The following TMEM150C variants were observed in gnomAD, a reference collection of about 807,000 sequenced individuals.
The protein encoded by TMEM150C is tentonin 3.
In TMEM150C, 10 loss-of-function variants were observed where a neutral mutation model predicts 29.9. That is an observed-to-expected ratio of 0.33 (90% CI 0.21 to 0.57). The LOEUF is 0.57. Among genes scored for constraint, TMEM150C ranks in the 20% least tolerant of loss-of-function variants. TMEM150C has a pLI of 0.88. For missense variants in TMEM150C, 251 were observed against 303.6 expected (o/e 0.83, Z 1.29); for synonymous variants, 101 against 112.5 (o/e 0.90, Z 0.64).
At chr4:82,542,640 A>G (rs774254375) in intron 1 of TMEM150C, among the ~76,000 whole-genome samples, 3 of 152,134 alleles carry the variant, frequency 2.0e-5, no homozygotes, top group African/African-American at 7.2e-5. Context: ...TTGTCTTAAA[A>G]ATTTGTAATG....
At chr4:82,494,803 T>TTTTTTA in intron 6 of TMEM150C, 1 of 302,812 alleles carries the variant, frequency 3.3e-6, no homozygotes. Flanking sequence ...TTTTTTTTTT[T>TTTTTTA]GTGAGTCTGA....
intron 7 of TMEM150C, 42 bp from the exon 8 acceptor site, chr4:82,485,761 T>C (rs775811220): frequency 1.3e-6 from 2 of 1,533,072 alleles, no homozygotes; most frequent in East Asian, 2.4e-5. Flanking sequence ...ATCAGCCACA[T>C]TAAAACTGGA....
rs901506766 is a variant in TMEM150C, at chr4:82,561,769, C to A, written c.-11+137G>T. 7 of 605,994 alleles carry A rather than the reference C, an allele frequency of 1.2e-5. No individual in the cohort carries two copies. In the African/African-American group the frequency reaches 1.2e-4, roughly 10 times the overall value. 37.5% of individuals were successfully genotyped at this position (605,994 alleles called of 1,614,324 possible). A position where few individuals can be genotyped will look rare whatever the true frequency, so the allele number is the denominator to read the frequency against. On this transcript the variant is annotated intron_variant, in intron 1 of 7. Transcript: ENST00000449862. ...CCGCAGCCGAGCAGGGCCCCGCAGC[C>A]GGGCGGACCCAGCCGCCCCAGCCGC...
At position 82,504,626 on chromosome 4, in the gene TMEM150C, A is replaced by T. The variant is rs1421213961; in HGVS notation, c.32T>A (p.Phe11Tyr). The T allele has an allele frequency of 6.2e-7, 1 of 1,613,832 alleles. No homozygotes were observed. The highest frequency in any genetic ancestry group is 1.7e-5 in the Admixed American group (1 of 60,008). The change falls in exon 2 of 8, where the codon TTC becomes TAC. Residue 11 changes from phenylalanine to tyrosine, a missense_variant. Physicochemically the swap from Phe to Tyr is conservative, Grantham distance 22 (BLOSUM62 3). Coordinates refer to ENST00000449862, the MANE Select transcript of TMEM150C (RefSeq NM_001080506.3). The stretch of plus-strand genomic sequence containing the variant: ...AAACAAAGTAAATACAAGAGGTAGG[A>T]ACATCCATACGCTGCATTTCTTCCC... The part of the protein sequence containing the change: MDGKKCSVWM[F>Y]LPLVFTLFTS...
intron 6 of TMEM150C, chr4:82,495,584 C>A (rs969510581): frequency 2.6e-5 from 9 of 351,790 alleles, no homozygotes; most frequent in African/African-American, 4.4e-5. Flanking sequence ...ATCCACAGTG[C>A]AACCACGAAC....
intron 1 of TMEM150C, among the ~76,000 whole-genome samples, chr4:82,532,283 T>C (rs1172884284): frequency 1.3e-5 from 2 of 152,206 alleles, no homozygotes; most frequent in Non-Finnish European, 1.5e-5. Flanking sequence ...GTCAAATATG[T>C]AGGAAGATGC....
chr4:82,559,812 G>C (rs11934053), intron 1 of TMEM150C, among the ~76,000 whole-genome samples: 19,461 of 152,120 alleles, frequency 0.13, 1,631 homozygotes, highest in African/African-American at 0.23. Flanking sequence ...TTGCTTAATT[G>C]GTTACTGAAC....
At chr4:82,507,353 T>G (rs1403280957) in intron 1 of TMEM150C, among the ~76,000 whole-genome samples, 1 of 152,198 alleles carries the variant, frequency 6.6e-6, no homozygotes, top group African/African-American at 2.4e-5. Context: ...ATCGAAATTT[T>G]CAAGCAGGGA....
Position 82,561,939 on chromosome 4 carries a change from A to T in TMEM150C, c.-44T>A, listed in dbSNP as rs1329280049. On this transcript the variant is annotated 5_prime_UTR_variant, in exon 1 of 8. Coordinates refer to ENST00000449862, the MANE Select transcript of TMEM150C (RefSeq NM_001080506.3). ...GTGCGGCGGGGCCGCTGTCGCCTCGAGGGGCTGTGACCTGCTGCGGTGGCG... is the reference window on the plus strand; with the variant it reads ...GTGCGGCGGGGCCGCTGTCGCCTCGTGGGGCTGTGACCTGCTGCGGTGGCG... 6.7e-6 allele frequency: 7 copies of T among 1,048,620 alleles called. No homozygotes were observed. The highest frequency in any genetic ancestry group is 2.7e-5 in the South Asian group (1 of 37,288). The allele number at this position is 1,048,620 out of a possible 1,614,324, so 65.0% of individuals were successfully genotyped here.
At chr4:82,486,647 T>C (rs2110060238) in intron 7 of TMEM150C, among the ~76,000 whole-genome samples, 1 of 151,910 alleles carries the variant, frequency 6.6e-6, no homozygotes, top group Admixed American at 6.6e-5. Context: ...TGCTTTGGAA[T>C]GCTGAGGTGG....
At chr4:82,540,918 T>C (rs367981310) in intron 1 of TMEM150C, among the ~76,000 whole-genome samples, 1 of 152,212 alleles carries the variant, frequency 6.6e-6, no homozygotes, top group South Asian at 2.1e-4. Context: ...GTACAATAGA[T>C]CTTGTGAACT....
intron 1 of TMEM150C, among the ~76,000 whole-genome samples, chr4:82,540,558 C>T (rs985535705): frequency 1.1e-4 from 17 of 151,932 alleles, no homozygotes; most frequent in Non-Finnish European, 1.6e-4. Flanking sequence ...TTTATCCTGG[C>T]TAAGTTCTTC....
chr4:82,511,335 C>T (rs961928914), intron 1 of TMEM150C, among the ~76,000 whole-genome samples: 2 of 152,144 alleles, frequency 1.3e-5, no homozygotes, highest in Admixed American at 1.3e-4. Context: ...TAGTTTTTCT[C>T]CAATGCTGTC....
At chr4:82,520,350 C>G (rs1724443468) in intron 1 of TMEM150C, among the ~76,000 whole-genome samples, 1 of 152,158 alleles carries the variant, frequency 6.6e-6, no homozygotes, top group South Asian at 2.1e-4. Context: ...CAGTGTCCTC[C>G]CAGTCTTGCT....
intron 5 of TMEM150C, among the ~76,000 whole-genome samples, chr4:82,502,255 T>C (rs1161327720): frequency 1.3e-5 from 2 of 152,202 alleles, no homozygotes; most frequent in Non-Finnish European, 2.9e-5. Context: ...ACTATGTCTA[T>C]AGGCACAGGA....
At chr4:82,549,569 G>A (rs567193266) in intron 1 of TMEM150C, among the ~76,000 whole-genome samples, 109 of 152,220 alleles carry the variant, frequency 7.2e-4, no homozygotes, top group Non-Finnish European at 1.3e-3. Flanking sequence ...TTGGGACTAC[G>A]GAACTGTACA....
intron 1 of TMEM150C, among the ~76,000 whole-genome samples, chr4:82,539,742 G>A (rs375783302): frequency 1.5e-4 from 23 of 152,256 alleles, no homozygotes; most frequent in Admixed American, 2.6e-4. Context: ...GTGAGCCACC[G>A]TGCCTGGCCA....
At chr4:82,492,792 CA>C (rs1192509650) in intron 6 of TMEM150C, among the ~76,000 whole-genome samples, 390 of 51,846 alleles carry the variant, frequency 7.5e-3, no homozygotes, top group South Asian at 0.015. Flanking sequence ...TCCACTTCTC[CA>C]AAAAAAAAAA....
In TMEM150C at chr4:82,504,214, T is replaced by G. The variant is rs72913673; in HGVS notation, c.80+364A>C. The stretch of plus-strand genomic sequence containing the variant: ...TAAAGATATGCCATCTACTATTTTT[T>G]GGGGGGGTGGGGACAGTCTTGCTCT... On this transcript the variant is annotated intron_variant, in intron 2 of 7. Coordinates refer to ENST00000449862, the MANE Select transcript of TMEM150C (RefSeq NM_001080506.3). Among the ~76,000 whole-genome samples the G allele has an allele frequency of 2.6e-3, 401 of 151,866 alleles. 1 individual carries two copies. The highest frequency in any genetic ancestry group is 8.1e-3 in the African/African-American group (335 of 41,458).
Sources: gnomAD v4.1 joint callset for allele counts (sites outside exome capture counted in the v4.1 genomes callset) on GRCh38, gnomAD v4.1.1 for gene constraint, MANE v1.5 for transcripts, NCBI Gene and HGNC (gene_info 2026-07-23, HGNC 2026-07-21) for gene names.